SEMA3A: variants seen among roughly 807,000 people sequenced by gnomAD.
The protein encoded by SEMA3A is semaphorin-3A.
Under a neutral mutation model 97.9 loss-of-function variants are expected in SEMA3A, and 29 were observed. The ratio of observed to expected loss-of-function variants is 0.30; its 90% CI spans 0.22 to 0.40. The LOEUF is 0.40. Among genes scored for constraint, SEMA3A ranks in the 10% least tolerant of loss-of-function variants. The pLI is 1.00. For missense variants in SEMA3A, 763 were observed against 951.3 expected (o/e 0.80, Z 2.60); for synonymous variants, 321 against 323.7 (o/e 0.99, Z 0.09).
intron 2 of SEMA3A, among the ~76,000 whole-genome samples, chr7:84,327,689 G>A (rs1407086827): frequency 1.3e-5 from 2 of 151,760 alleles, no homozygotes; most frequent in Non-Finnish European, 2.9e-5. Flanking sequence ...ATTTTTCAAA[G>A]TAGCATTATT....
At chr7:84,304,859 T>G (rs1336415020) in intron 3 of SEMA3A, among the ~76,000 whole-genome samples, 1 of 152,084 alleles carries the variant, frequency 6.6e-6, no homozygotes, top group African/African-American at 2.4e-5. Flanking sequence ...TTCCTTGTTA[T>G]CCACATATTT....
intron 3 of SEMA3A, among the ~76,000 whole-genome samples, chr7:84,247,373 A>G (rs1293234628): frequency 9.2e-5 from 14 of 152,184 alleles, no homozygotes; most frequent in Admixed American, 8.5e-4. Context: ...CTAGTCCATC[A>G]TATTTTCTAG....
intron 3 of SEMA3A, among the ~76,000 whole-genome samples, chr7:84,121,128 G>A (rs1795600572): frequency 6.6e-6 from 1 of 151,950 alleles, no homozygotes; most frequent in Non-Finnish European, 1.5e-5. Flanking sequence ...TGTTTCCCAA[G>A]ACCATTTGCA....
rs541742014 is a variant in SEMA3A at position 84,098,386 on chromosome 7, CTCT to C, written c.453+12081_453+12083del. On this transcript the variant is annotated intron_variant, in intron 4 of 16. Coordinates refer to ENST00000265362, the MANE Select transcript of SEMA3A (RefSeq NM_006080.3). ...TCTTTGATTGTAAAACATGTTACTG[CTCT>C]TCTTCTTGTCCAGGTAGAAGTAAGG... is the stretch of plus-strand genomic sequence containing the variant. Among the ~76,000 whole-genome samples the C allele has an allele frequency of 2.7e-3, 411 of 152,106 alleles. 2 individuals are homozygous for C. The highest frequency in any genetic ancestry group is 9.3e-3 in the African/African-American group (387 of 41,548).
intron 1 of SEMA3A, among the ~76,000 whole-genome samples, chr7:84,387,806 T>C (rs561501518): frequency 6.6e-6 from 1 of 152,304 alleles, no homozygotes; most frequent in South Asian, 2.1e-4. Flanking sequence ...TGTTTGATCT[T>C]ACTAAACAAT....
At chr7:84,397,089 T>C (rs1184496614) in intron 1 of SEMA3A, among the ~76,000 whole-genome samples, 1 of 152,050 alleles carries the variant, frequency 6.6e-6, no homozygotes, top group African/African-American at 2.4e-5. Context: ...TCCATGTTTA[T>C]AATGAAAGTT....
chr7:84,405,093 T>G (rs1416183621), intron 1 of SEMA3A, among the ~76,000 whole-genome samples: 2 of 151,922 alleles, frequency 1.3e-5, no homozygotes, highest in Non-Finnish European at 2.9e-5. Flanking sequence ...AAAAGGCACA[T>G]AGTGGCAAAT....
chr7:84,254,240 G>A (rs1799668406), intron 3 of SEMA3A, among the ~76,000 whole-genome samples: 1 of 152,182 alleles, frequency 6.6e-6, no homozygotes, highest in African/African-American at 2.4e-5. Context: ...GAATCAAGTG[G>A]AGATGAGGTC....
intron 1 of SEMA3A, among the ~76,000 whole-genome samples, chr7:84,422,055 T>G (rs963469707): frequency 7.2e-5 from 11 of 152,094 alleles, no homozygotes; most frequent in African/African-American, 2.2e-4. Flanking sequence ...GAGGAATCTT[T>G]CTTTTTTATT....
chr7:84,012,391 C>T (rs1018065961), intron 7 of SEMA3A, among the ~76,000 whole-genome samples: 7 of 152,032 alleles, frequency 4.6e-5, no homozygotes, highest in Non-Finnish European at 8.8e-5. Context: ...ACTTAAACTT[C>T]CTTTCTACTC....
intron 12 of SEMA3A, among the ~76,000 whole-genome samples, chr7:83,993,889 T>C (rs1204074430): frequency 7.8e-6 from 1 of 128,370 alleles, no homozygotes; most frequent in Non-Finnish European, 1.6e-5. Flanking sequence ...GAAGTTCTCC[T>C]GGATAATATC....
intron 2 of SEMA3A, among the ~76,000 whole-genome samples, chr7:84,352,510 A>G (rs1317485181): frequency 6.6e-6 from 1 of 151,832 alleles, no homozygotes; most frequent in African/African-American, 2.4e-5. Flanking sequence ...AAGTATATGC[A>G]CCTACTATGT....
At chr7:84,361,596 G>C (rs1046734241) in intron 2 of SEMA3A, among the ~76,000 whole-genome samples, 1 of 151,896 alleles carries the variant, frequency 6.6e-6, no homozygotes, top group Non-Finnish European at 1.5e-5. Context: ...TAGGGAGAAC[G>C]AGTAATATAA....
intron 9 of SEMA3A, among the ~76,000 whole-genome samples, 190 bp from the exon 10 acceptor site, chr7:84,007,687 A>G (rs1323093644): frequency 2.0e-5 from 3 of 152,204 alleles, no homozygotes; most frequent in Non-Finnish European, 4.4e-5. Flanking sequence ...AAAAATTGTG[A>G]TTTCTTAAAA....
At chr7:84,169,205 G>T (rs1186182822) in intron 1 of SEMA3A, among the ~76,000 whole-genome samples, 1 of 151,088 alleles carries the variant, frequency 6.6e-6, no homozygotes, top group Non-Finnish European at 1.5e-5. Context: ...CCAAAAAAGA[G>T]CTTCTTTATT....
intron 1 of SEMA3A, among the ~76,000 whole-genome samples, chr7:84,150,054 T>C (rs1020735309): frequency 6.6e-6 from 1 of 152,212 alleles, no homozygotes; most frequent in Admixed American, 6.5e-5. Context: ...CACATCTTTG[T>C]AACAATATTG....
At chr7:84,417,753 G>T (rs891713491) in intron 1 of SEMA3A, among the ~76,000 whole-genome samples, 2 of 151,996 alleles carry the variant, frequency 1.3e-5, no homozygotes, top group African/African-American at 4.8e-5. Flanking sequence ...TAGTTCATAA[G>T]CAAAATGCTG....
intron 2 of SEMA3A, among the ~76,000 whole-genome samples, chr7:84,324,699 A>G (rs1801731090): frequency 6.6e-6 from 1 of 152,178 alleles, no homozygotes; most frequent in South Asian, 2.1e-4. Context: ...TCAATTTATT[A>G]TGAAGCACAT....
At chr7:84,403,674 C>T (rs1352161056) in intron 1 of SEMA3A, among the ~76,000 whole-genome samples, 3 of 152,088 alleles carry the variant, frequency 2.0e-5, no homozygotes, top group Non-Finnish European at 4.4e-5. Context: ...CTCACACAGC[C>T]GGGTACTCCT....
Sources: gnomAD v4.1 joint callset for allele counts (sites outside exome capture counted in the v4.1 genomes callset) on GRCh38, gnomAD v4.1.1 for gene constraint, MANE v1.5 for transcripts, NCBI Gene and HGNC (gene_info 2026-07-23, HGNC 2026-07-21) for gene names.